The following NLGN1 variants were observed in gnomAD, a reference collection of about 807,000 sequenced individuals.
The protein encoded by NLGN1 is neuroligin-1.
NLGN1 carries 12 observed loss-of-function variants against 65.5 expected under a neutral mutation model. The ratio of observed to expected loss-of-function variants is 0.18; its 90% CI spans 0.12 to 0.30. NLGN1 has a LOEUF of 0.30. Among genes scored for constraint, NLGN1 ranks in the 10% least tolerant of loss-of-function variants. NLGN1 has a pLI of 1.00. For synonymous variants in NLGN1, 350 were observed against 359.5 expected, an observed-to-expected ratio of 0.97 and a Z score of 0.30; for missense variants, 750 against 1,007.1, an observed-to-expected ratio of 0.74 and a Z score of 3.46.
intron 4 of NLGN1, among the ~76,000 whole-genome samples, chr3:173,899,973 A>T (rs567338361): frequency 1.4e-4 from 21 of 152,250 alleles, no homozygotes; most frequent in Admixed American, 1.2e-3. Context: ...AACTGAGTTC[A>T]TAAGAGATAA....
At chr3:174,122,973 T>C (rs943200308) in intron 4 of NLGN1, among the ~76,000 whole-genome samples, 1 of 151,994 alleles carries the variant, frequency 6.6e-6, no homozygotes, top group African/African-American at 2.4e-5. Flanking sequence ...GGAGAAAGCT[T>C]TTTTAAGATA....
intron 3 of NLGN1, among the ~76,000 whole-genome samples, chr3:173,607,651 A>T (rs1319039739): frequency 6.6e-6 from 1 of 151,764 alleles, no homozygotes; most frequent in African/African-American, 2.4e-5. Flanking sequence ...TTATTTCAAG[A>T]TACCATATTT....
At chr3:173,591,990 C>A (rs1748572428) in intron 2 of NLGN1, among the ~76,000 whole-genome samples, 1 of 152,090 alleles carries the variant, frequency 6.6e-6, no homozygotes, top group African/African-American at 2.4e-5. Flanking sequence ...TATTCATTTT[C>A]TTCTGTGGGA....
At chr3:174,041,335 A>G (rs1732259017) in intron 4 of NLGN1, among the ~76,000 whole-genome samples, 1 of 152,116 alleles carries the variant, frequency 6.6e-6, no homozygotes, top group African/African-American at 2.4e-5. Flanking sequence ...TTCATTGTTT[A>G]CTAGTATTCC....
chr3:173,797,267 A>G (rs562361831), intron 3 of NLGN1, among the ~76,000 whole-genome samples: 3 of 152,238 alleles, frequency 2.0e-5, no homozygotes, highest in African/African-American at 7.2e-5. Context: ...CTTTCTTCTT[A>G]TAATCAGTTT....
exon 7 of NLGN1, chr3:174,283,978 TC>T (rs945595164): frequency 8.6e-5 from 13 of 151,380 alleles, no homozygotes; most frequent in Non-Finnish European, 1.5e-4. Context: ...AACCAAACAT[TC>T]TATTAAATAG....
intron 2 of NLGN1, among the ~76,000 whole-genome samples, chr3:173,518,933 C>T (rs1439017204): frequency 6.6e-6 from 1 of 152,118 alleles, no homozygotes; most frequent in East Asian, 1.9e-4. Context: ...TTTACAGGCC[C>T]AGAGAGGTCT....
At chr3:173,918,660 ATGTGTGTGTGTGTGTGTGTGTGTGTGTG>A (rs71162369) in intron 4 of NLGN1, among the ~76,000 whole-genome samples, 1 of 111,812 alleles carries the variant, frequency 8.9e-6, no homozygotes, top group Non-Finnish European at 1.7e-5. Context: ...AGAAATACAT[ATGTGTGTGTGTGTGTGTGTGTGTGTGTG>A]TGTGTGTGTG....
At chr3:173,895,243 T>G (rs1039666220) in intron 4 of NLGN1, among the ~76,000 whole-genome samples, 2 of 152,154 alleles carry the variant, frequency 1.3e-5, no homozygotes, top group Non-Finnish European at 2.9e-5. Context: ...TGATTAGACT[T>G]GATCCATCTG....
At chr3:174,244,356 T>C (rs975646122) in intron 4 of NLGN1, among the ~76,000 whole-genome samples, 2 of 152,210 alleles carry the variant, frequency 1.3e-5, no homozygotes, top group Admixed American at 6.5e-5. Flanking sequence ...ATGCTTGTTA[T>C]CTACTAAGAT....
rs200208200 is a variant in NLGN1, at chr3:174,270,028, TTTG to T, written c.647-5275_647-5273del. On this transcript the variant is annotated intron_variant, in intron 4 of 6. Transcript: ENST00000457714. ...TTTTTTAATTAGGTTATTTGGGTTT[TTTG>T]TTGTTGTTGTTTAGTTGTAAAAATT... Among the ~76,000 whole-genome samples the T allele has an allele frequency of 4.3e-3, 648 of 151,864 alleles. 7 individuals are homozygous for T. The highest frequency in any genetic ancestry group is 0.03 in the East Asian group (154 of 5,180).
intron 3 of NLGN1, among the ~76,000 whole-genome samples, chr3:173,765,100 A>C (rs867237630): frequency 8.4e-6 from 1 of 118,892 alleles, no homozygotes; most frequent in Non-Finnish European, 1.8e-5. Context: ...GTGTGTGTGT[A>C]TGTATGCACA....
At chr3:174,096,023 AGT>A in intron 4 of NLGN1, among the ~76,000 whole-genome samples, 1 of 151,884 alleles carries the variant, frequency 6.6e-6, no homozygotes, top group Non-Finnish European at 1.5e-5. Context: ...ATAAATAAAA[AGT>A]AATTAAAAAA....
chr3:173,877,833 G>T (rs371009118), intron 4 of NLGN1, among the ~76,000 whole-genome samples: 1 of 152,092 alleles, frequency 6.6e-6, no homozygotes, highest in East Asian at 1.9e-4. Flanking sequence ...TATAATTTCT[G>T]CAATAGTAGC....
At chr3:173,689,398 C>G (rs1036258006) in intron 3 of NLGN1, among the ~76,000 whole-genome samples, 1 of 152,108 alleles carries the variant, frequency 6.6e-6, no homozygotes, top group South Asian at 2.1e-4. Context: ...TAGAGTTCCT[C>G]TGACTTCCCT....
intron 3 of NLGN1, among the ~76,000 whole-genome samples, chr3:173,771,796 G>T (rs530292975): frequency 6.6e-6 from 1 of 151,728 alleles, no homozygotes; most frequent in Non-Finnish European, 1.5e-5. Flanking sequence ...TGTCCATACC[G>T]TATTGTAGTG....
chr3:173,510,650 C>T (rs1033907442), intron 2 of NLGN1, among the ~76,000 whole-genome samples: 2 of 152,280 alleles, frequency 1.3e-5, no homozygotes, highest in South Asian at 4.1e-4. Flanking sequence ...AACCTTTTGT[C>T]ATACTGCTGA....
At chr3:173,861,360 T>TA (rs879814820) in intron 4 of NLGN1, among the ~76,000 whole-genome samples, 29 of 149,908 alleles carry the variant, frequency 1.9e-4, no homozygotes, top group African/African-American at 3.4e-4. Flanking sequence ...CACTAGAAAT[T>TA]AAAAAAAAAT....
At chr3:173,829,417 GATAA>G (rs1399055799) in intron 4 of NLGN1, among the ~76,000 whole-genome samples, 2 of 151,974 alleles carry the variant, frequency 1.3e-5, no homozygotes, top group Non-Finnish European at 2.9e-5. Flanking sequence ...ATATTTAATT[GATAA>G]ATAAAAATTC....
Sources: allele counts gnomAD v4.1 joint callset (sites outside exome capture counted in the v4.1 genomes callset), GRCh38; gene constraint gnomAD v4.1.1; transcripts MANE v1.5; gene names NCBI Gene and HGNC (gene_info 2026-07-23, HGNC 2026-07-21).